Variants in ENPP3 observed in about 807,000 individuals in gnomAD.
ENPP3 encodes the protein ectonucleotide pyrophosphatase/phosphodiesterase 3.
In ENPP3, 104 loss-of-function variants were observed where a neutral mutation model predicts 117.8. The ratio of observed to expected loss-of-function variants is 0.88; its 90% CI spans 0.75 to 1.04. The LOEUF is 1.04. Among genes scored for constraint, ENPP3 ranks in the 50% least tolerant of loss-of-function variants. The pLI is 0.00. For missense variants in ENPP3, 1,026 were observed against 1,051.9 expected (o/e 0.98, Z 0.34); for synonymous variants, 380 against 349.9 (o/e 1.09, Z -0.96).
At chr6:131,717,354 GTGTGTGTGT>G (rs1779918926) in intron 15 of ENPP3, among the ~76,000 whole-genome samples, 58 of 8,472 alleles carry the variant, frequency 6.8e-3, no homozygotes, top group African/African-American at 0.017. Context: ...TGCGGGGGGT[GTGTGTGTGT>G]GTGTGTGTGT....
intron 20 of ENPP3, among the ~76,000 whole-genome samples, chr6:131,729,948 G>A (rs1269544647): frequency 2.0e-5 from 3 of 151,920 alleles, no homozygotes; most frequent in Non-Finnish European, 2.9e-5. Context: ...TGAGAACATG[G>A]TAAATATTTT....
intron 6 of ENPP3, among the ~76,000 whole-genome samples, chr6:131,665,834 T>C (rs1357507730): frequency 1.3e-5 from 2 of 152,148 alleles, no homozygotes; most frequent in African/African-American, 4.8e-5. Context: ...ATTGTTCTTC[T>C]TTCTTAATGT....
In ENPP3 at chr6:131,722,348, C is replaced by T. The variant is rs1457799343; in HGVS notation, c.1689C>T (p.Gly563=). The T allele has an allele frequency of 6.2e-7, 1 of 1,614,086 alleles. No individual in the cohort carries two copies. The part of the protein sequence containing the change: ...AEEVSKFSVC[G]FANPLPTESL... ...AGGTGTCAAAGTTTTCTGTTTGTGG[C>T]TTTGCTAATCCATTGCCCACAGAGT... is the stretch of plus-strand genomic sequence containing the variant. Residue 563 remains glycine (G), a synonymous_variant, in exon 18 of 25, where the codon GGC becomes GGT. Coordinates refer to ENST00000357639, the MANE Select transcript of ENPP3 (RefSeq NM_005021.5).
At chr6:131,720,240 T>C in intron 16 of ENPP3, 52 bp from the exon 17 acceptor site, 1 of 1,175,606 alleles carries the variant, frequency 8.5e-7, no homozygotes, top group Non-Finnish European at 1.2e-6. Context: ...CCTATATTTG[T>C]TTTTGAATTT....
rs781078677 is a variant in ENPP3 at position 131,641,496 on chromosome 6, C to T, written c.120C>T (p.Gly40=). ...TGGTGATCATGTCACTTGGATTAGGCCTGGGGCTTGGACTCAGGAAACTGG... is the reference window on the plus strand; with the variant it reads ...TGGTGATCATGTCACTTGGATTAGGTCTGGGGCTTGGACTCAGGAAACTGG... The part of the protein sequence containing the change: ...ALLVIMSLGL[G]LGLGLRKLEK... Residue 40 remains glycine (G), a synonymous_variant, in exon 2 of 25, where the codon GGC becomes GGT. Transcript: ENST00000357639. The T allele has an allele frequency of 3.7e-6, 6 of 1,611,808 alleles. No individual in the cohort carries two copies. The highest frequency in any genetic ancestry group is 5.1e-6 in the Non-Finnish European group (6 of 1,178,288).
At chr6:131,729,086 C>T (rs1212707400) in intron 20 of ENPP3, among the ~76,000 whole-genome samples, 1 of 152,060 alleles carries the variant, frequency 6.6e-6, no homozygotes, top group Non-Finnish European at 1.5e-5. Context: ...CTCTATTTAC[C>T]TATCTATAGC....
chr6:131,693,416 A>G (rs1779332696), intron 14 of ENPP3, 81 bp from the exon 15 acceptor site: 9 of 1,289,318 alleles, frequency 7.0e-6, no homozygotes, highest in South Asian at 1.4e-5. Context: ...AAGGTGCTTC[A>G]TAAATTGATG....
At chr6:131,657,329 C>G (rs949712155) in intron 5 of ENPP3, among the ~76,000 whole-genome samples, 3 of 152,100 alleles carry the variant, frequency 2.0e-5, no homozygotes, top group Non-Finnish European at 4.4e-5. Flanking sequence ...GCTCATGTCC[C>G]TTCCCATTGC....
intron 20 of ENPP3, among the ~76,000 whole-genome samples, chr6:131,730,413 C>T (rs945625038): frequency 1.3e-5 from 2 of 152,182 alleles, no homozygotes; most frequent in Non-Finnish European, 2.9e-5. Flanking sequence ...ATGGTGAGAA[C>T]TCATCCAACA....
chr6:131,728,609 A>T (rs892034148), intron 20 of ENPP3, among the ~76,000 whole-genome samples: 1 of 152,190 alleles, frequency 6.6e-6, no homozygotes, highest in Non-Finnish European at 1.5e-5. Flanking sequence ...ACATACAAGG[A>T]TGTTTTGGGA....
chr6:131,673,858 A>C (rs73779851), intron 7 of ENPP3, among the ~76,000 whole-genome samples: 1 of 152,164 alleles, frequency 6.6e-6, no homozygotes, highest in South Asian at 2.1e-4. Flanking sequence ...ATTATAAGTA[A>C]TCTAGAGATG....
intron 24 of ENPP3, among the ~76,000 whole-genome samples, chr6:131,746,337 C>T (rs536923502): frequency 2.0e-5 from 3 of 152,020 alleles, no homozygotes; most frequent in East Asian, 1.9e-4. Context: ...AGATTACAAA[C>T]GTTAATACCG....
chr6:131,660,332 A>G (rs1778473223), intron 6 of ENPP3, among the ~76,000 whole-genome samples: 1 of 152,242 alleles, frequency 6.6e-6, no homozygotes, highest in Admixed American at 6.5e-5. Context: ...CACCATGGTC[A>G]TGTAAACTGA....
chr6:131,659,596 T>C (rs1229193811), intron 6 of ENPP3, among the ~76,000 whole-genome samples: 1 of 152,208 alleles, frequency 6.6e-6, no homozygotes, highest in East Asian at 1.9e-4. Flanking sequence ...CTAGATCTGA[T>C]GATTTCTACT....
At chr6:131,646,821 A>T (rs1778162886) in intron 2 of ENPP3, among the ~76,000 whole-genome samples, 2 of 122,056 alleles carry the variant, frequency 1.6e-5, no homozygotes, top group African/African-American at 6.2e-5. Context: ...TCATTCTGCT[A>T]TTTCTGTGTT....
At chr6:131,718,762 A>C in intron 16 of ENPP3, 24 bp downstream of exon 16, 1 of 1,506,156 alleles carries the variant, frequency 6.6e-7, no homozygotes, top group Non-Finnish European at 9.2e-7. Context: ...TTTTTTTTTA[A>C]CTTTTATTTT....
chr6:131,687,299 A>G (rs62423408), intron 14 of ENPP3, among the ~76,000 whole-genome samples: 15,469 of 152,218 alleles, frequency 0.1, 1,875 homozygotes, highest in African/African-American at 0.29. Context: ...GTGCTGGGAT[A>G]ACTAGCCAGC....
intron 2 of ENPP3, among the ~76,000 whole-genome samples, chr6:131,648,995 T>G (rs1778207026): frequency 6.6e-6 from 1 of 152,194 alleles, no homozygotes; most frequent in Non-Finnish European, 1.5e-5. Context: ...AAAACTGAAC[T>G]TCCCTTTTTT....
chr6:131,720,511 G>A, intron 17 of ENPP3, 132 bp downstream of exon 17: 2 of 505,208 alleles, frequency 4.0e-6, no homozygotes, highest in Non-Finnish European at 7.0e-6. Context: ...AAAAAGATAA[G>A]GAAGAATTAT....
Sources: gnomAD v4.1 joint callset for allele counts (sites outside exome capture counted in the v4.1 genomes callset) on GRCh38, gnomAD v4.1.1 for gene constraint, MANE v1.5 for transcripts, NCBI Gene and HGNC (gene_info 2026-07-23, HGNC 2026-07-21) for gene names.